SPTLC2: variants seen among roughly 807,000 people sequenced by gnomAD.
The protein encoded by SPTLC2 is serine palmitoyltransferase 2.
Under a neutral mutation model 62.0 loss-of-function variants are expected in SPTLC2, and 21 were observed. The ratio of observed to expected loss-of-function variants is 0.34; its 90% CI spans 0.24 to 0.49. The LOEUF is 0.49. SPTLC2 is among the 20% of genes least tolerant of loss of function. SPTLC2 has a pLI of 0.99. For missense variants in SPTLC2, 511 were observed against 713.0 expected (o/e 0.72, Z 3.23); for synonymous variants, 261 against 261.8 (o/e 1.00, Z 0.03).
chr14:77,529,616 C>CTTTCT (rs1444136820), intron 9 of SPTLC2, among the ~76,000 whole-genome samples: 2 of 83,464 alleles, frequency 2.4e-5, no homozygotes, highest in African/African-American at 7.2e-5. Context: ...CAATTTCTTT[C>CTTTCT]TTTCTTTTTT....
chr14:77,525,539 AGACT>A (rs1016291142), intron 9 of SPTLC2, among the ~76,000 whole-genome samples: 3 of 151,180 alleles, frequency 2.0e-5, no homozygotes, highest in African/African-American at 7.3e-5. Context: ...GCCGTGAGCG[AGACT>A]GCGCCATTGC....
chr14:77,555,927 T>C (rs1052956549), intron 7 of SPTLC2, among the ~76,000 whole-genome samples: 2 of 152,134 alleles, frequency 1.3e-5, no homozygotes, highest in Non-Finnish European at 2.9e-5. Flanking sequence ...CTGAGTTTAT[T>C]GGGTTTTAAA....
intron 5 of SPTLC2, among the ~76,000 whole-genome samples, chr14:77,564,397 GCATACACACACACACACACA>G (rs768558393): frequency 4.0e-5 from 4 of 99,786 alleles, no homozygotes; most frequent in Non-Finnish European, 7.8e-5. Context: ...CTTTATGCAT[GCATACACACACACACACACA>G]CACACACACA....
At chr14:77,584,870 G>C (rs778446671) in intron 2 of SPTLC2, among the ~76,000 whole-genome samples, 1 of 152,234 alleles carries the variant, frequency 6.6e-6, no homozygotes, top group Non-Finnish European at 1.5e-5. Context: ...TCGGGTTGCG[G>C]ATGTGATGTA....
intron 9 of SPTLC2, among the ~76,000 whole-genome samples, chr14:77,551,793 C>T (rs1485265142): frequency 6.6e-6 from 1 of 152,174 alleles, no homozygotes; most frequent in East Asian, 1.9e-4. Flanking sequence ...TATACCTTCA[C>T]ATAAAATTAT....
At chr14:77,548,455 G>T (rs80220239) in intron 9 of SPTLC2, among the ~76,000 whole-genome samples, 3,432 of 152,258 alleles carry the variant, frequency 0.023, 106 homozygotes, top group African/African-American at 0.078. Flanking sequence ...CAAACACTTT[G>T]CCTTGATTCG....
chr14:77,569,846 A>AATATTT lies in SPTLC2; in HGVS notation c.756+537_756+538insAAATAT, dbSNP rs2079669605. Among the ~76,000 whole-genome samples the AATATTT allele has an allele frequency of 5.2e-4, 17 of 32,540 alleles. 2 individuals carry two copies. Among genetic ancestry groups the AATATTT allele is most frequent in the Non-Finnish European group, 9.4e-4 (10 of 10,670 alleles). The allele number at this position is 32,540 out of a possible 152,430, so 21.3% of individuals were successfully genotyped here. ...ATATATATATATAATATACAATATT[A>AATATTT]TATATATGTATATAAATATATAAAC... On this transcript the variant is annotated intron_variant, in intron 5 of 11. Coordinates refer to ENST00000216484, the MANE Select transcript of SPTLC2 (RefSeq NM_004863.4).
intron 2 of SPTLC2, among the ~76,000 whole-genome samples, chr14:77,587,759 AAAT>A (rs59005485): frequency 4.5e-4 from 65 of 145,088 alleles, no homozygotes; most frequent in African/African-American, 1.3e-3. Flanking sequence ...CTCTGTCTCA[AAAT>A]AATAATAATA....
chr14:77,560,630 A>AAT (rs67807394), intron 6 of SPTLC2, among the ~76,000 whole-genome samples: 93 of 148,310 alleles, frequency 6.3e-4, no homozygotes, highest in South Asian at 1.9e-3. Flanking sequence ...TAAAAATAAA[A>AAT]ATATATATAT....
At chr14:77,518,713 C>T (rs752643333) in intron 10 of SPTLC2, among the ~76,000 whole-genome samples, 2 of 152,094 alleles carry the variant, frequency 1.3e-5, no homozygotes, top group African/African-American at 2.4e-5. Flanking sequence ...AACATTAATC[C>T]GCAAATTCTG....
rs2299923 is a variant in SPTLC2, at chr14:77,599,074, T to G, written c.133-1694A>C. Among the ~76,000 whole-genome samples, 9 of 151,962 alleles carry G rather than the reference T, an allele frequency of 5.9e-5. No homozygotes were observed. In the East Asian group the frequency reaches 1.7e-3, roughly 29 times the overall value. On this transcript the variant is annotated intron_variant, in intron 1 of 11. Coordinates refer to ENST00000216484, the MANE Select transcript of SPTLC2 (RefSeq NM_004863.4). ...CCAAACATCGTAAGATTATCCCTTG[T>G]TTTAACCTTTGGGATACTTGGATTT...
intron 5 of SPTLC2, among the ~76,000 whole-genome samples, chr14:77,568,580 A>T (rs1231459200): frequency 6.6e-6 from 1 of 151,974 alleles, no homozygotes; most frequent in Non-Finnish European, 1.5e-5. Context: ...AGGCCGAGGC[A>T]GGCAGATCAT....
chr14:77,587,314 G>C (rs1257786775), intron 2 of SPTLC2, among the ~76,000 whole-genome samples: 1 of 152,110 alleles, frequency 6.6e-6, no homozygotes, highest in Non-Finnish European at 1.5e-5. Flanking sequence ...ACTATCTAGT[G>C]AAACTGAAGA....
intron 2 of SPTLC2, among the ~76,000 whole-genome samples, chr14:77,584,979 G>T (rs111548300): frequency 6.4e-4 from 98 of 152,348 alleles, no homozygotes; most frequent in African/African-American, 2.3e-3. Context: ...GTGCTGGGTC[G>T]GCACCAGCGC....
At chr14:77,555,861 C>T (rs998729977) in intron 7 of SPTLC2, among the ~76,000 whole-genome samples, 9 of 151,916 alleles carry the variant, frequency 5.9e-5, no homozygotes, top group Non-Finnish European at 8.8e-5. Flanking sequence ...TCAAGTGATA[C>T]ACCCGCCTTG....
Position 77,506,323 on chromosome 14 carries a change from C to T in SPTLC2, c.*5961G>A, listed in dbSNP as rs373057539. 1 of 152,314 alleles carries T rather than the reference C, an allele frequency of 6.6e-6. No individual in the cohort carries two copies. The highest frequency in any genetic ancestry group is 2.4e-5 in the African/African-American group (1 of 41,584). The allele number at this position is 152,314 out of a possible 1,614,324, so 9.4% of individuals were successfully genotyped here. ...CAGCAATAGAAAGGGGTTATCATCA[C>T]AGCATCCCCTTGCAAATTCCAGTTT... On this transcript the variant is annotated 3_prime_UTR_variant, in exon 12 of 12. Coordinates refer to ENST00000216484, the MANE Select transcript of SPTLC2 (RefSeq NM_004863.4).
At chr14:77,595,143 C>T (rs559199854) in intron 2 of SPTLC2, among the ~76,000 whole-genome samples, 10 of 152,004 alleles carry the variant, frequency 6.6e-5, no homozygotes, top group African/African-American at 2.2e-4. Context: ...GCAGGTGGAT[C>T]GTTTGAGGTC....
chr14:77,534,588 T>TACACACACACACAC (rs1555373993), intron 9 of SPTLC2, among the ~76,000 whole-genome samples: 10,660 of 141,154 alleles, frequency 0.076, 527 homozygotes, highest in Middle Eastern at 0.12. Flanking sequence ...CATATTTCAG[T>TACACACACACACAC]ACACACACAC....
chr14:77,514,961 A>G (rs558392808), intron 11 of SPTLC2, among the ~76,000 whole-genome samples: 1 of 152,304 alleles, frequency 6.6e-6, no homozygotes, highest in African/African-American at 2.4e-5. Flanking sequence ...TCCATGCTGT[A>G]GGGTTAAAAC....
Sources: allele counts gnomAD v4.1 joint callset (sites outside exome capture counted in the v4.1 genomes callset), GRCh38; gene constraint gnomAD v4.1.1; transcripts MANE v1.5; gene names NCBI Gene and HGNC (gene_info 2026-07-23, HGNC 2026-07-21).